The following MACF1 variants were observed in gnomAD, a reference collection of about 807,000 sequenced individuals.
MACF1 encodes the protein microtubule actin crosslinking factor 1.
In MACF1, 193 loss-of-function variants were observed where a neutral mutation model predicts 854.8. The observed-to-expected ratio is 0.23, with a 90% CI of 0.20 to 0.25. The LOEUF (loss-of-function observed/expected upper bound fraction) is 0.25. Among genes scored for constraint, MACF1 ranks in the 10% least tolerant of loss-of-function variants. The probability of loss-of-function intolerance (pLI) is 1.00; values close to 1 mark genes in which losing one functional copy is unlikely to be tolerated. For synonymous variants in MACF1, 3,185 were observed against 3,226.7 expected (o/e 0.99, Z 0.44); for missense variants, 7,722 against 8,929.1 (o/e 0.86, Z 5.45).
At chr1:39,469,415 T>C in intron 96 of MACF1, 132 bp from the exon 97 acceptor site, 1 of 694,262 alleles carries the variant, frequency 1.4e-6, no homozygotes, top group Admixed American at 2.2e-5. Context: ...TGTCCTTGCC[T>C]TTTTCCTGTT....
At position 39,287,370 on chromosome 1, in the gene MACF1, A is replaced by C; in HGVS notation, c.1593A>C (p.Glu531Asp). ...LYRKGHFTSL[E>D]LVPPSTLTTT... ...GGAAGGGTCATTTCACTTCACTTGAATTGGTTCCACCCTCTACTTTAACCA... is the reference window on the plus strand; with the variant it reads ...GGAAGGGTCATTTCACTTCACTTGACTTGGTTCCACCCTCTACTTTAACCA... The change falls in exon 15 of 101, where the codon GAA (glutamate) becomes GAC (aspartate). Residue 531 changes from glutamate to aspartate, a missense_variant. By Grantham distance (45) the Glu-to-Asp change is conservative (BLOSUM62 2). This residue lies in a region of MACF1 where 1,137 missense variants were observed against 1,263.0 expected (regional missense o/e 0.90). Coordinates refer to ENST00000564288, the MANE Select transcript of MACF1 (RefSeq NM_001394062.1). 1.9e-6 allele frequency: 3 copies of C among 1,614,112 alleles called. No individual in the cohort carries two copies. The highest frequency in any genetic ancestry group is 2.5e-6 in the Non-Finnish European group (3 of 1,180,006).
At chr1:39,382,803 T>A (rs1388321619) in intron 56 of MACF1, among the ~76,000 whole-genome samples, 1 of 152,056 alleles carries the variant, frequency 6.6e-6, no homozygotes, top group South Asian at 2.1e-4. Context: ...AAAAATTGAT[T>A]TAAGTGCCTA....
intron 50 of MACF1, 117 bp from the exon 51 acceptor site, chr1:39,369,913 G>A: frequency 1.1e-6 from 1 of 910,826 alleles, no homozygotes; most frequent in Non-Finnish European, 1.7e-6. Context: ...AAAAGATTAT[G>A]AGAAAGAAAG....
intron 95 of MACF1, among the ~76,000 whole-genome samples, chr1:39,466,966 C>T (rs1644681948): frequency 6.6e-6 from 1 of 152,152 alleles, no homozygotes; most frequent in South Asian, 2.1e-4. Context: ...GGAGAATTAC[C>T]ACAAGTATAT....
intron 97 of MACF1, among the ~76,000 whole-genome samples, chr1:39,473,191 G>T (rs1644810205): frequency 6.6e-6 from 1 of 152,180 alleles, no homozygotes; most frequent in African/African-American, 2.4e-5. Context: ...CACCCAGCTA[G>T]GAAAGCAAGT....
rs1645593290 is a variant in MACF1, at chr1:39,283,617, C to A, written c.915+102C>A. On this transcript the variant is annotated intron_variant, in intron 9 of 100. Transcript: ENST00000564288. This position sits in a 1 kb window ranked among gnomAD's most constrained non-coding sequence, Gnocchi z 4.5. Reference sequence around the variant, plus strand: ...AGCACTTATGGTATACTCATGGTATCAAACTATATATCCAGTATCTTTATC... The same window carrying A: ...AGCACTTATGGTATACTCATGGTATAAAACTATATATCCAGTATCTTTATC... The A allele has an allele frequency of 1.3e-6, 1 of 785,714 alleles. No individual in the cohort carries two copies. The highest frequency in any genetic ancestry group is 2.2e-6 in the Non-Finnish European group (1 of 458,360). 48.7% of individuals were successfully genotyped at this position (785,714 alleles called of 1,614,324 possible).
rs777672294 is a variant in MACF1, at chr1:39,442,388, C to T, written c.18949-24C>T. On this transcript the variant is annotated intron_variant, in intron 76 of 100. Coordinates refer to ENST00000564288, the MANE Select transcript of MACF1 (RefSeq NM_001394062.1). ...CTTTTCTAATTTCGTATTGAATATT[C>T]CCTTTCTGTCTTTTCCTGAGTAGCA... The T allele has an allele frequency of 5.0e-6, 8 of 1,610,678 alleles. No homozygotes were observed. In the South Asian group the frequency reaches 8.8e-5, roughly 18 times the overall value.
intron 38 of MACF1, 93 bp downstream of exon 38, chr1:39,337,424 G>T: frequency 7.6e-7 from 1 of 1,310,350 alleles, no homozygotes; most frequent in Non-Finnish European, 1.1e-6. Context: ...GAACCTGCTT[G>T]CACTCTATTC....
intron 99 of MACF1, among the ~76,000 whole-genome samples, chr1:39,481,372 C>G (rs143012531): frequency 6.6e-6 from 1 of 152,190 alleles, no homozygotes; most frequent in African/African-American, 2.4e-5. Context: ...GATACTCAGA[C>G]GAGTTATGAA....
At position 39,292,795 on chromosome 1, in the gene MACF1, C is replaced by T. The variant is rs752157745; in HGVS notation, c.1944C>T (p.Ser648=). ...EGKMSQNFHT[S]YAETLGKLET... is the part of the protein sequence containing the mutation. Reference sequence around the variant, plus strand: ...AGATGTCCCAGAATTTCCATACCAGCTATGCTGAAACTCTTGGAAAGCTGG... The same window carrying T: ...AGATGTCCCAGAATTTCCATACCAGTTATGCTGAAACTCTTGGAAAGCTGG... Residue 648 remains serine, a synonymous_variant, in exon 17 of 101, where the codon AGC becomes AGT. Transcript: ENST00000564288. 7 of 1,612,538 alleles carry T rather than the reference C, an allele frequency of 4.3e-6. No individual in the cohort carries two copies. In the South Asian group the frequency reaches 6.6e-5, roughly 15 times the overall value.
At chr1:39,396,901 C>G (rs971213292) in intron 58 of MACF1, among the ~76,000 whole-genome samples, 1 of 152,212 alleles carries the variant, frequency 6.6e-6, no homozygotes, top group Non-Finnish European at 1.5e-5. Flanking sequence ...TGCACCCTCC[C>G]TACTTTGCCA....
In MACF1 at chr1:39,324,798, A is replaced by C. The variant is rs1646579090; in HGVS notation, c.4478+64A>C. The C allele has an allele frequency of 8.3e-6, 10 of 1,210,964 alleles. No homozygotes were observed. The South Asian group carries it at 1.3e-4, about 16-fold the overall frequency. The allele number at this position is 1,210,964 out of a possible 1,614,324, so 75.0% of individuals were successfully genotyped here. A position where few individuals can be genotyped will look rare whatever the true frequency, so the allele number is the denominator to read the frequency against. On this transcript the variant is annotated intron_variant, in intron 35 of 100. Coordinates refer to ENST00000564288, the MANE Select transcript of MACF1 (RefSeq NM_001394062.1). ...CCTGGTCTATCAGTCTAAAACTTAC[A>C]GCCATAATGAGATTTCAGAATGGAG...
intron 43 of MACF1, 84 bp from the exon 44 acceptor site, chr1:39,352,923 C>T: frequency 2.4e-6 from 2 of 840,230 alleles, no homozygotes; most frequent in Admixed American, 4.5e-5. Flanking sequence ...AAATTATCTC[C>T]TCCCCTTTAC....
At position 39,448,170 on chromosome 1, in the gene MACF1, T is replaced by C. The variant is rs1223581202; in HGVS notation, c.20088+18T>C. On this transcript the variant is annotated intron_variant, in intron 83 of 100. Transcript: ENST00000564288. ...AGCATAAGGTAAAGCAGTTAATTGC[T>C]CTTAGGTCCCAAGCCATAGTATTCG... 6.2e-7 allele frequency: 1 copy of C among 1,607,634 alleles called. No individual in the cohort carries two copies. Among genetic ancestry groups the C allele is most frequent in the African/African-American group, 1.3e-5 (1 of 74,486 alleles).
At chr1:39,171,973 C>G (rs1391330837) in intron 2 of MACF1, among the ~76,000 whole-genome samples, 1 of 152,224 alleles carries the variant, frequency 6.6e-6, no homozygotes, top group Non-Finnish European at 1.5e-5. Flanking sequence ...CTTCATTTAG[C>G]CATTCATTTA....
intron 2 of MACF1, among the ~76,000 whole-genome samples, chr1:39,183,854 G>A (rs945533033): frequency 2.0e-5 from 3 of 152,164 alleles, no homozygotes; most frequent in Non-Finnish European, 2.9e-5. Flanking sequence ...AGAAACCTCT[G>A]GGTGGCACCC....
intron 2 of MACF1, among the ~76,000 whole-genome samples, chr1:39,165,096 G>A (rs944759179): frequency 4.6e-5 from 7 of 152,134 alleles, no homozygotes; most frequent in Admixed American, 3.3e-4. Flanking sequence ...ACATGTGTAG[G>A]ACTTTGTGTG....
At chr1:39,408,722 C>T (rs952976681) in intron 58 of MACF1, among the ~76,000 whole-genome samples, 3 of 152,062 alleles carry the variant, frequency 2.0e-5, no homozygotes, top group Non-Finnish European at 4.4e-5. Flanking sequence ...CAGACTCGCG[C>T]GGGTTCCGTT....
At position 39,442,209 on chromosome 1, in the gene MACF1, A is replaced by G. The variant is rs754144854; in HGVS notation, c.18837A>G (p.Glu6279=). The G allele has an allele frequency of 4.4e-5, 71 of 1,607,888 alleles. No homozygotes were observed. In the Admixed American group the frequency reaches 8.3e-4, roughly 19 times the overall value. The part of the protein sequence containing the change: ...IEMEKLNHQG[E]LMLKKATDET... The stretch of plus-strand genomic sequence containing the variant: ...TGGAGAAGCTTAATCACCAGGGTGA[A>G]CTGATGTTAAAGAAAGCTACTGATG... Residue 6279 remains glutamate (E), a synonymous_variant, in exon 76 of 101, where the codon GAA becomes GAG. Transcript: ENST00000564288.
Sources: gnomAD v4.1 joint callset for allele counts (sites outside exome capture counted in the v4.1 genomes callset) on GRCh38, gnomAD v4.1.1 for gene constraint, gnomAD v4.1.1 regional missense constraint, Gnocchi (gnomAD v3.1) non-coding constraint, MANE v1.5 for transcripts, NCBI Gene and HGNC (gene_info 2026-07-23, HGNC 2026-07-21) for gene names.